The following KCNB2 variants were observed in gnomAD, a reference collection of about 807,000 sequenced individuals.
KCNB2 encodes potassium voltage-gated channel subfamily B member 2.
In KCNB2, 15 loss-of-function variants were observed where a neutral mutation model predicts 61.5. The observed-to-expected ratio is 0.24, with a 90% CI of 0.16 to 0.38. The LOEUF is 0.38. Ranked by LOEUF, KCNB2 falls within the 10% of genes least tolerant of loss-of-function variation. KCNB2 has a pLI of 1.00. For missense variants in KCNB2, 828 were observed against 1,125.2 expected (o/e 0.74, Z 3.78); for synonymous variants, 457 against 446.0 (o/e 1.02, Z -0.31).
At chr8:72,603,510 C>G (rs1805395478) in intron 2 of KCNB2, among the ~76,000 whole-genome samples, 1 of 152,196 alleles carries the variant, frequency 6.6e-6, no homozygotes, top group Non-Finnish European at 1.5e-5. Flanking sequence ...TCCCATAACA[C>G]TGTGCTTACA....
At chr8:72,566,328 C>T (rs955647214) in intron 1 of KCNB2, among the ~76,000 whole-genome samples, 1 of 152,132 alleles carries the variant, frequency 6.6e-6, no homozygotes, top group African/African-American at 2.4e-5. Flanking sequence ...CTTAGCAGAG[C>T]ATTCTAATAG....
At chr8:72,749,112 G>A (rs1822060) in intron 2 of KCNB2, among the ~76,000 whole-genome samples, 21,592 of 151,784 alleles carry the variant, frequency 0.14, 1,841 homozygotes, top group South Asian at 0.3. Flanking sequence ...AATCATTTTC[G>A]TTTTCATTTT....
chr8:72,660,559 C>T (rs962465685), intron 2 of KCNB2: 1 of 152,156 alleles, frequency 6.6e-6, no homozygotes, highest in African/African-American at 2.4e-5. Flanking sequence ...TAAATTCTTC[C>T]ATGATAAATT....
At chr8:72,551,335 G>C (rs1195871227) in intron 1 of KCNB2, among the ~76,000 whole-genome samples, 1 of 151,978 alleles carries the variant, frequency 6.6e-6, no homozygotes, top group Non-Finnish European at 1.5e-5. Flanking sequence ...CTTCAACTTG[G>C]GGGCTACCAT....
intron 2 of KCNB2, among the ~76,000 whole-genome samples, chr8:72,743,371 TCTAA>T (rs147344144): frequency 1.3e-5 from 2 of 152,322 alleles, no homozygotes; most frequent in East Asian, 1.9e-4. Context: ...GTGTGTCATC[TCTAA>T]CTGTGACCTG....
intron 2 of KCNB2, among the ~76,000 whole-genome samples, chr8:72,699,064 G>GATAACA (rs1280334581): frequency 1.3e-5 from 2 of 152,046 alleles, no homozygotes; most frequent in Non-Finnish European, 2.9e-5. Context: ...AGAGTAAACA[G>GATAACA]ATAACATACA....
intron 2 of KCNB2, among the ~76,000 whole-genome samples, chr8:72,851,840 A>AAAAAAAAAAAAAC (rs1554538995): frequency 5.9e-5 from 8 of 134,536 alleles, no homozygotes; most frequent in African/African-American, 2.1e-4. Context: ...AAAAAAAAAA[A>AAAAAAAAAAAAAC]AAAAAAAACA....
chr8:72,579,070 GTCTT>G (rs760611950), intron 2 of KCNB2, among the ~76,000 whole-genome samples: 19 of 152,162 alleles, frequency 1.2e-4, no homozygotes, highest in Non-Finnish European at 2.2e-4. Context: ...ATAAGGAAAT[GTCTT>G]TCTTTCTTCC....
chr8:72,729,963 G>A (rs182302806), intron 2 of KCNB2, among the ~76,000 whole-genome samples: 1 of 152,220 alleles, frequency 6.6e-6, no homozygotes, highest in East Asian at 1.9e-4. Context: ...GGGGGGCAGA[G>A]AATAAACTTT....
intron 2 of KCNB2, among the ~76,000 whole-genome samples, chr8:72,933,008 G>C (rs974293454): frequency 1.3e-5 from 2 of 152,094 alleles, no homozygotes; most frequent in African/African-American, 4.8e-5. Flanking sequence ...GAGAGCAAAT[G>C]GGTTTTGACA....
intron 2 of KCNB2, among the ~76,000 whole-genome samples, chr8:72,851,840 A>AAAAAAAAAAAAAAAAC (rs1554538995): frequency 7.4e-6 from 1 of 134,462 alleles, no homozygotes; most frequent in African/African-American, 3.0e-5. Flanking sequence ...AAAAAAAAAA[A>AAAAAAAAAAAAAAAAC]AAAAAAAACA....
intron 2 of KCNB2, among the ~76,000 whole-genome samples, chr8:72,909,123 T>C (rs986905945): frequency 2.6e-5 from 4 of 152,108 alleles, no homozygotes; most frequent in Non-Finnish European, 5.9e-5. Flanking sequence ...CCTTAGAGAC[T>C]AATGAGCCAA....
chr8:72,801,339 G>T (rs1265284585), intron 2 of KCNB2, among the ~76,000 whole-genome samples: 1 of 152,150 alleles, frequency 6.6e-6, no homozygotes, highest in African/African-American at 2.4e-5. Context: ...TCTGTAAAAA[G>T]AATAGAACAT....
chr8:72,610,933 C>G, intron 2 of KCNB2, among the ~76,000 whole-genome samples: 1 of 152,116 alleles, frequency 6.6e-6, no homozygotes, highest in East Asian at 1.9e-4. Context: ...ATGATTTTGT[C>G]TCCAATCAGT....
chr8:72,612,426 T>C (rs990790506), intron 2 of KCNB2, among the ~76,000 whole-genome samples: 2 of 152,218 alleles, frequency 1.3e-5, no homozygotes, highest in African/African-American at 4.8e-5. Context: ...GACTTGCTGG[T>C]GAATTTCTAG....
At chr8:72,758,453 A>G (rs1808327242) in intron 2 of KCNB2, among the ~76,000 whole-genome samples, 1 of 152,232 alleles carries the variant, frequency 6.6e-6, no homozygotes, top group Non-Finnish European at 1.5e-5. Flanking sequence ...ACAAATGTGT[A>G]TAAACATAGA....
At chr8:72,691,498 C>A (rs186896453) in intron 2 of KCNB2, among the ~76,000 whole-genome samples, 1 of 152,052 alleles carries the variant, frequency 6.6e-6, no homozygotes, top group African/African-American at 2.4e-5. Context: ...TTTTTTTTCA[C>A]GCATAATAAG....
At chr8:72,690,090 A>C (rs1029440691) in intron 2 of KCNB2, among the ~76,000 whole-genome samples, 1 of 152,040 alleles carries the variant, frequency 6.6e-6, no homozygotes, top group African/African-American at 2.4e-5. Context: ...TAGCTGTAGT[A>C]GGGTGCTATA....
chr8:72,640,684 TA>T (rs771442228), intron 2 of KCNB2, among the ~76,000 whole-genome samples: 3 of 151,888 alleles, frequency 2.0e-5, no homozygotes, highest in East Asian at 1.9e-4. Context: ...TGACTCATGA[TA>T]AAAAAAATAT....
Sources: allele counts gnomAD v4.1 joint callset (sites outside exome capture counted in the v4.1 genomes callset), GRCh38; gene constraint gnomAD v4.1.1; transcripts MANE v1.5; gene names NCBI Gene and HGNC (gene_info 2026-07-23, HGNC 2026-07-21).